Variants in CDKN3 observed in about 807,000 individuals in gnomAD.
CDKN3 encodes cyclin dependent kinase inhibitor 3, also known as cyclin-dependent kinase inhibitor 3.
In CDKN3, 19 loss-of-function variants were observed where a neutral mutation model predicts 36.1. That is an observed-to-expected ratio of 0.53 (90% confidence interval 0.37 to 0.77). The LOEUF (loss-of-function observed/expected upper bound fraction) is 0.77. Ranked by LOEUF, CDKN3 falls within the 30% of genes least tolerant of loss-of-function variation. CDKN3 has a pLI of 0.00. For synonymous variants in CDKN3, 71 were observed against 85.3 expected, an observed-to-expected ratio of 0.83 and a Z score of 0.92; for missense variants, 188 against 248.6, an observed-to-expected ratio of 0.76 and a Z score of 1.64.
rs754817426 is a variant in CDKN3 at position 54,411,620 on chromosome 14, T to G, written c.330T>G (p.Asp110Glu). 6.2e-7 allele frequency: 1 copy of G among 1,614,128 alleles called. No homozygotes were observed. Among genetic ancestry groups the G allele is most frequent in the South Asian group, 1.1e-5 (1 of 91,092 alleles). The change falls in exon 5 of 8, where the codon GAT (aspartate) becomes GAG (glutamate). Residue 110 changes from aspartate (D) to glutamate (E), a missense_variant. Coordinates refer to ENST00000335183, the MANE Select transcript of CDKN3 (RefSeq NM_005192.4). ...TCACCCATCATCATCCAATCGCAGATGGAGGGACTCCTGACATAGCCAGCT... is the reference window on the plus strand; with the variant it reads ...TCACCCATCATCATCCAATCGCAGAGGGAGGGACTCCTGACATAGCCAGCT... ...GIITHHHPIA[D>E]GGTPDIASCC...
At chr14:54,397,769 A>C (rs948180325) in intron 1 of CDKN3, among the ~76,000 whole-genome samples, 1 of 152,210 alleles carries the variant, frequency 6.6e-6, no homozygotes, top group Non-Finnish European at 1.5e-5. Context: ...CCGGCTTGAC[A>C]ACCTACTGGA....
At chr14:54,407,242 G>A (rs545220451) in intron 3 of CDKN3, among the ~76,000 whole-genome samples, 211 of 152,254 alleles carry the variant, frequency 1.4e-3, no homozygotes, top group African/African-American at 4.6e-3. Context: ...GGCACCTGCC[G>A]GATGCCAGCT....
At chr14:54,414,797 C>T (rs907793433) in intron 5 of CDKN3, among the ~76,000 whole-genome samples, 2 of 151,274 alleles carry the variant, frequency 1.3e-5, no homozygotes, top group Admixed American at 1.3e-4. Flanking sequence ...AGTCCTCCCA[C>T]CTTGGCCTCC....
At chr14:54,400,178 A>AT (rs1243433091) in intron 2 of CDKN3, among the ~76,000 whole-genome samples, 1 of 133,444 alleles carries the variant, frequency 7.5e-6, no homozygotes, top group Non-Finnish European at 1.6e-5. Context: ...ACAGAATAAG[A>AT]CCCTTTTTTT....
rs191867844 is a variant in CDKN3, at chr14:54,405,349, A to G, written c.149-3396A>G. ...GGGGTGGAGAGTTCTGTAGATGTCA[A>G]TTAGGTCTGCTTGGTCCAGAGCTGA... On this transcript the variant is annotated intron_variant, in intron 3 of 7. Transcript: ENST00000335183. 1.2e-4 allele frequency among the ~76,000 whole-genome samples: 19 copies of G among 152,304 alleles called. No homozygotes were observed. The East Asian group carries it at 2.7e-3, about 22-fold the overall frequency.
At chr14:54,408,688 T>C (rs2030247405) in intron 3 of CDKN3, 57 bp from the exon 4 acceptor site, 2 of 1,526,622 alleles carry the variant, frequency 1.3e-6, no homozygotes, top group Non-Finnish European at 1.8e-6. Context: ...TGTTTAAACA[T>C]ACCTGTTACA....
chr14:54,418,306 G>C, intron 7 of CDKN3: 1 of 700,238 alleles, frequency 1.4e-6, no homozygotes. Context: ...ATACAAACTT[G>C]GTACGTTCTT....
chr14:54,404,282 G>T (rs1467410456), intron 3 of CDKN3, among the ~76,000 whole-genome samples: 1 of 152,070 alleles, frequency 6.6e-6, no homozygotes, highest in African/African-American at 2.4e-5. Flanking sequence ...AGTCTTGGGA[G>T]GGTGTATGTG....
intron 5 of CDKN3, chr14:54,413,850 A>G (rs2030441278): frequency 7.3e-7 from 1 of 1,376,272 alleles, no homozygotes; most frequent in South Asian, 1.8e-5. Context: ...GGGCTATTGT[A>G]ACAAAGTACC....
intron 6 of CDKN3, 79 bp from the exon 7 acceptor site, chr14:54,417,769 A>C (rs2030597080): frequency 2.8e-6 from 2 of 714,958 alleles, no homozygotes; most frequent in Non-Finnish European, 4.7e-6. Flanking sequence ...GTATCAACAG[A>C]AGTCTTATTA....
chr14:54,414,489 A>C (rs2030464117), intron 5 of CDKN3, among the ~76,000 whole-genome samples: 1 of 152,090 alleles, frequency 6.6e-6, no homozygotes, highest in Non-Finnish European at 1.5e-5. Flanking sequence ...AAATAGCAAA[A>C]GGTATAAAAT....
chr14:54,417,835 C>T lies in CDKN3; in HGVS notation c.449-13C>T. On this transcript the variant is annotated splice_polypyrimidine_tract_variant and intron_variant, in intron 6 of 7. Coordinates refer to ENST00000335183, the MANE Select transcript of CDKN3 (RefSeq NM_005192.4). ...ATTTAATAACATATTATTTTTCTGT[C>T]ATGTTCCATTAGTAGCTGCTTGTCT... The T allele has an allele frequency of 6.8e-7, 1 of 1,463,526 alleles. No individual in the cohort carries two copies. The highest frequency in any genetic ancestry group is 9.4e-7 in the Non-Finnish European group (1 of 1,059,766). The allele number at this position is 1,463,526 out of a possible 1,614,324, so 90.7% of individuals were successfully genotyped here. A position where few individuals can be genotyped will look rare whatever the true frequency, so the allele number is the denominator to read the frequency against.
intron 4 of CDKN3, among the ~76,000 whole-genome samples, chr14:54,409,439 A>C (rs2030275684): frequency 6.6e-6 from 1 of 152,200 alleles, no homozygotes; most frequent in African/African-American, 2.4e-5. Flanking sequence ...ATGGCAAATT[A>C]AAATGTATAT....
At chr14:54,404,091 G>A (rs990496206) in intron 3 of CDKN3, among the ~76,000 whole-genome samples, 4 of 152,136 alleles carry the variant, frequency 2.6e-5, no homozygotes, top group African/African-American at 9.7e-5. Context: ...CTATTGTTTG[G>A]AATAGTTTCA....
intron 4 of CDKN3, among the ~76,000 whole-genome samples, chr14:54,409,479 C>A (rs1240307038): frequency 3.3e-5 from 5 of 152,056 alleles, no homozygotes; most frequent in Non-Finnish European, 7.4e-5. Flanking sequence ...TATAGATTTT[C>A]TGAATCTTAA....
At chr14:54,403,030 T>G (rs1217073489) in intron 3 of CDKN3, among the ~76,000 whole-genome samples, 1 of 152,192 alleles carries the variant, frequency 6.6e-6, no homozygotes, top group African/African-American at 2.4e-5. Flanking sequence ...CTTGGCTATA[T>G]GGGCTCTTTT....
intron 3 of CDKN3, among the ~76,000 whole-genome samples, chr14:54,403,673 G>C (rs1239802642): frequency 6.6e-6 from 1 of 152,048 alleles, no homozygotes; most frequent in Non-Finnish European, 1.5e-5. Flanking sequence ...ATTGGCTGTG[G>C]GTTTGTCATA....
At chr14:54,399,835 C>A in intron 1 of CDKN3, 59 bp from the exon 2 acceptor site, 1 of 826,188 alleles carries the variant, frequency 1.2e-6, no homozygotes, top group Non-Finnish European at 2.1e-6. Flanking sequence ...CAAGGATTAG[C>A]TATCCTAAAA....
intron 5 of CDKN3, among the ~76,000 whole-genome samples, chr14:54,415,044 T>C (rs2030493236): frequency 6.7e-6 from 1 of 150,132 alleles, no homozygotes; most frequent in African/African-American, 2.5e-5. Flanking sequence ...TCCATAACGA[T>C]AAGTCATCCA....
Sources: allele counts gnomAD v4.1 joint callset (sites outside exome capture counted in the v4.1 genomes callset), GRCh38; gene constraint gnomAD v4.1.1; transcripts MANE v1.5; gene names NCBI Gene and HGNC (gene_info 2026-07-23, HGNC 2026-07-21).